PTPRK: variants seen among roughly 807,000 people sequenced by gnomAD.
The protein encoded by PTPRK is receptor-type tyrosine-protein phosphatase kappa.
PTPRK carries 75 observed loss-of-function variants against 178.0 expected under a neutral mutation model. The ratio of observed to expected loss-of-function variants is 0.42; its 90% confidence interval spans 0.35 to 0.51. PTPRK has a LOEUF of 0.51. Among genes scored for constraint, PTPRK ranks in the 20% least tolerant of loss-of-function variants. The pLI is 0.02. For synonymous variants in PTPRK, 637 were observed against 620.6 expected (o/e 1.03, Z -0.39); for missense variants, 1,441 against 1,797.8 (o/e 0.80, Z 3.59).
intron 5 of PTPRK, among the ~76,000 whole-genome samples, chr6:128,222,331 G>A (rs9402023): frequency 0.091 from 13,897 of 152,124 alleles, 1,324 homozygotes; most frequent in East Asian, 0.33. Flanking sequence ...CTCTTTCAGG[G>A]ACAGCTACCA....
At chr6:128,158,440 T>C (rs1164885865) in intron 7 of PTPRK, among the ~76,000 whole-genome samples, 17 of 151,736 alleles carry the variant, frequency 1.1e-4, no homozygotes, top group Admixed American at 1.1e-3. Flanking sequence ...TATAAGGAAA[T>C]GACAACTTTT....
At chr6:128,456,447 A>T (rs2128409430) in intron 1 of PTPRK, among the ~76,000 whole-genome samples, 1 of 152,248 alleles carries the variant, frequency 6.6e-6, no homozygotes, top group South Asian at 2.1e-4. Flanking sequence ...TGAGTAAAAA[A>T]AATGAGTAAA....
At chr6:128,030,085 C>T (rs1303794210) in intron 13 of PTPRK, among the ~76,000 whole-genome samples, 2 of 152,160 alleles carry the variant, frequency 1.3e-5, no homozygotes, top group Non-Finnish European at 2.9e-5. Context: ...AGTGAGGGCA[C>T]TGGCTTTTTG....
At chr6:128,160,497 GAGA>G (rs772686254) in intron 7 of PTPRK, among the ~76,000 whole-genome samples, 12 of 151,686 alleles carry the variant, frequency 7.9e-5, no homozygotes, top group Non-Finnish European at 1.3e-4. Context: ...TGCCCTAAGA[GAGA>G]AGGAGTTTGC....
At chr6:128,084,870 T>C (rs914850063) in intron 8 of PTPRK, 1 of 152,212 alleles carries the variant, frequency 6.6e-6, no homozygotes, top group Admixed American at 6.5e-5. Flanking sequence ...AGCATAGTTT[T>C]TAATTAATAT....
At chr6:128,091,418 C>T (rs777414732) in intron 7 of PTPRK, among the ~76,000 whole-genome samples, 83 of 152,064 alleles carry the variant, frequency 5.5e-4, no homozygotes, top group Non-Finnish European at 2.1e-4. Context: ...CCAGTTAGAC[C>T]GAAAACACAG....
intron 1 of PTPRK, among the ~76,000 whole-genome samples, chr6:128,449,293 C>T (rs1413167394): frequency 1.3e-5 from 2 of 152,148 alleles, no homozygotes; most frequent in African/African-American, 4.8e-5. Context: ...ATTTAAAACC[C>T]TTTTAACATT....
At chr6:128,064,279 G>A (rs1203828389) in intron 13 of PTPRK, among the ~76,000 whole-genome samples, 1 of 152,096 alleles carries the variant, frequency 6.6e-6, no homozygotes, top group Non-Finnish European at 1.5e-5. Flanking sequence ...CTCAGAATAA[G>A]TTTTAAAAAA....
chr6:128,122,260 T>G (rs1410255617), intron 7 of PTPRK, among the ~76,000 whole-genome samples: 1 of 151,784 alleles, frequency 6.6e-6, no homozygotes, highest in East Asian at 1.9e-4. Flanking sequence ...TGTATAGGGG[T>G]GGGGAGGAGT....
chr6:128,064,642 A>C, intron 13 of PTPRK, 116 bp downstream of exon 13: 1 of 1,342,504 alleles, frequency 7.4e-7, no homozygotes, highest in Non-Finnish European at 9.8e-7. Flanking sequence ...CACATGAGTC[A>C]CAGAACTAAC....
intron 2 of PTPRK, among the ~76,000 whole-genome samples, chr6:128,344,964 G>A (rs1056458505): frequency 1.3e-5 from 2 of 151,520 alleles, no homozygotes; most frequent in African/African-American, 4.9e-5. Flanking sequence ...GTTACCTGGG[G>A]AACAGAAGAA....
In PTPRK at chr6:128,520,359, G is replaced by A; in HGVS notation, c.-1C>T. 6.2e-7 allele frequency: 1 copy of A among 1,604,060 alleles called. No individual in the cohort carries two copies. The highest frequency in any genetic ancestry group is 8.5e-7 in the Non-Finnish European group (1 of 1,174,970). ...GCGCCGCCGCCGCAGTCGTATCCAT[G>A]CCGAGTTTGGGAGAAGTTTCAAGCA... is the stretch of plus-strand genomic sequence containing the variant. On this transcript the variant is annotated 5_prime_UTR_variant, in exon 1 of 30. Coordinates refer to ENST00000368226, the MANE Select transcript of PTPRK (RefSeq NM_002844.4).
chr6:128,511,474 T>C (rs1857179027), intron 1 of PTPRK, among the ~76,000 whole-genome samples: 1 of 152,154 alleles, frequency 6.6e-6, no homozygotes, highest in African/African-American at 2.4e-5. Context: ...TAATTCACAT[T>C]TCCTTAAGGG....
chr6:128,351,198 G>C (rs1351099152), intron 2 of PTPRK, among the ~76,000 whole-genome samples: 2 of 152,152 alleles, frequency 1.3e-5, no homozygotes, highest in East Asian at 3.9e-4. Context: ...GTAAATAAAA[G>C]GTGGCATTAC....
At chr6:128,006,345 A>T (rs1778411788) in intron 14 of PTPRK, among the ~76,000 whole-genome samples, 1 of 150,968 alleles carries the variant, frequency 6.6e-6, no homozygotes, top group Admixed American at 6.6e-5. Flanking sequence ...AATTAAATGG[A>T]TTGTGTATTT....
intron 13 of PTPRK, among the ~76,000 whole-genome samples, chr6:128,045,207 C>G (rs960672560): frequency 4.6e-5 from 7 of 151,990 alleles, no homozygotes; most frequent in Admixed American, 3.9e-4. Context: ...ATATTACACA[C>G]ACACATTTTT....
At chr6:128,289,543 C>T (rs984674702) in intron 3 of PTPRK, among the ~76,000 whole-genome samples, 2 of 152,098 alleles carry the variant, frequency 1.3e-5, no homozygotes, top group Non-Finnish European at 2.9e-5. Context: ...CATTAAACCT[C>T]TTTAAAAAAT....
intron 3 of PTPRK, among the ~76,000 whole-genome samples, chr6:128,281,899 C>T: frequency 6.6e-6 from 1 of 151,896 alleles, no homozygotes; most frequent in East Asian, 1.9e-4. Flanking sequence ...AATAGGAGTT[C>T]ATGAGCAGCT....
intron 1 of PTPRK, among the ~76,000 whole-genome samples, chr6:128,471,874 C>CTAATG (rs1452824949): frequency 1.3e-5 from 2 of 151,788 alleles, no homozygotes; most frequent in East Asian, 3.9e-4. Context: ...TTTAATTGAG[C>CTAATG]TAATGTATAA....
Sources: gnomAD v4.1 joint callset for allele counts (sites outside exome capture counted in the v4.1 genomes callset) on GRCh38, gnomAD v4.1.1 for gene constraint, MANE v1.5 for transcripts, NCBI Gene and HGNC (gene_info 2026-07-23, HGNC 2026-07-21) for gene names.